PDE1C: variants seen among roughly 807,000 people sequenced by gnomAD.
PDE1C encodes phosphodiesterase 1C, also known as dual specificity calcium/calmodulin-dependent 3',5'-cyclic nucleotide phosphodiesterase 1C.
PDE1C carries 62 observed loss-of-function variants against 93.1 expected under a neutral mutation model. The observed-to-expected ratio is 0.67, with a 90% CI of 0.54 to 0.82. PDE1C has a LOEUF of 0.82. Ranked by LOEUF, PDE1C falls within the 40% of genes least tolerant of loss-of-function variation. The probability of loss-of-function intolerance (pLI) is 0.00; values close to 1 mark genes in which losing one functional copy is unlikely to be tolerated. For missense variants in PDE1C, 742 were observed against 884.6 expected (o/e 0.84, Z 2.04); for synonymous variants, 325 against 310.1 (o/e 1.05, Z -0.50).
intron 1 of PDE1C, among the ~76,000 whole-genome samples, chr7:32,304,336 C>T (rs1196384108): frequency 6.6e-6 from 1 of 152,092 alleles, no homozygotes; most frequent in African/African-American, 2.4e-5. Flanking sequence ...CATCCTCGGC[C>T]CTGGCACAGA....
chr7:32,215,328 C>T (rs1806352237), intron 1 of PDE1C, among the ~76,000 whole-genome samples: 1 of 152,126 alleles, frequency 6.6e-6, no homozygotes, highest in Non-Finnish European at 1.5e-5. Context: ...CCATTCCCCC[C>T]AACACCCGTT....
At chr7:31,804,298 A>C (rs573954082) in intron 16 of PDE1C, among the ~76,000 whole-genome samples, 63 of 151,918 alleles carry the variant, frequency 4.1e-4, no homozygotes, top group African/African-American at 1.5e-3. Flanking sequence ...CTTTTACCTA[A>C]TTTTCTTTAA....
chr7:32,187,426 T>C (rs1466421003), intron 2 of PDE1C, among the ~76,000 whole-genome samples: 11 of 152,226 alleles, frequency 7.2e-5, no homozygotes, highest in Admixed American at 6.5e-4. Flanking sequence ...TTCCCATCTC[T>C]TTCTTTCCCT....
chr7:31,704,574 C>T, the PDE1C span, among the ~76,000 whole-genome samples: 2 of 152,150 alleles, frequency 1.3e-5, no homozygotes, highest in Non-Finnish European at 2.9e-5. Flanking sequence ...GGTTCAATAG[C>T]GGAGAAGGAT....
At chr7:31,962,091 T>C (rs1309560198) in intron 2 of PDE1C, among the ~76,000 whole-genome samples, 1 of 152,206 alleles carries the variant, frequency 6.6e-6, no homozygotes, top group Non-Finnish European at 1.5e-5. Flanking sequence ...AACTCTGGCT[T>C]CTAAATATTC....
At chr7:32,140,126 G>T (rs543896991) in intron 3 of PDE1C, among the ~76,000 whole-genome samples, 15 of 152,276 alleles carry the variant, frequency 9.9e-5, no homozygotes, top group South Asian at 2.1e-4. Flanking sequence ...TGATGCAGTT[G>T]CCATCTATTA....
In PDE1C at chr7:32,244,647, T is replaced by G. The variant is rs897759005; in HGVS notation, c.86-35108A>C. ...GAAGGAAGAACACCCTGTCAGATAA[T>G]GCTGAAAAAGCCTCCACACATCTTC... On this transcript the variant is annotated intron_variant, in intron 1 of 18. Transcript: ENST00000396193. Among the ~76,000 whole-genome samples the G allele has an allele frequency of 4.6e-5, 7 of 152,304 alleles. No homozygotes were observed. In the East Asian group the frequency reaches 1.4e-3, roughly 29 times the overall value.
intron 2 of PDE1C, among the ~76,000 whole-genome samples, chr7:32,027,378 A>G (rs1199238072): frequency 6.6e-6 from 1 of 152,106 alleles, no homozygotes; most frequent in Non-Finnish European, 1.5e-5. Flanking sequence ...GAGACTGACA[A>G]AAGTCAAATC....
chr7:32,099,930 C>T (rs971432856), intron 3 of PDE1C, among the ~76,000 whole-genome samples: 1 of 152,120 alleles, frequency 6.6e-6, no homozygotes, highest in African/African-American at 2.4e-5. Flanking sequence ...TTCCCATGCC[C>T]CCACCCCTCA....
At chr7:32,060,727 C>T (rs1311236114) in intron 1 of PDE1C, among the ~76,000 whole-genome samples, 1 of 150,508 alleles carries the variant, frequency 6.6e-6, no homozygotes, top group East Asian at 1.9e-4. Flanking sequence ...TTTTTTTTAA[C>T]AATGACTAAT....
chr7:32,230,597 T>C (rs1480795889), intron 1 of PDE1C, among the ~76,000 whole-genome samples: 2 of 152,146 alleles, frequency 1.3e-5, no homozygotes, highest in Non-Finnish European at 2.9e-5. Context: ...AACTGATCCT[T>C]CTTGGCTCAG....
At chr7:32,121,727 G>A (rs1584802078) in intron 3 of PDE1C, among the ~76,000 whole-genome samples, 1 of 152,106 alleles carries the variant, frequency 6.6e-6, no homozygotes, top group South Asian at 2.1e-4. Flanking sequence ...GGAAGCACTA[G>A]ATATGGCAAG....
intron 1 of PDE1C, among the ~76,000 whole-genome samples, chr7:32,211,462 A>G (rs1408805329): frequency 6.6e-6 from 1 of 152,174 alleles, no homozygotes; most frequent in African/African-American, 2.4e-5. Context: ...GTCTTTAACC[A>G]CAACTGCATA....
At chr7:32,206,249 C>T (rs886697168) in intron 2 of PDE1C, among the ~76,000 whole-genome samples, 4 of 152,022 alleles carry the variant, frequency 2.6e-5, no homozygotes, top group East Asian at 1.9e-4. Context: ...GATAATGGGA[C>T]GGCTCACTGA....
rs544279830 is a variant in PDE1C at position 31,936,950 on chromosome 7, G to A, written c.129-56090C>T. Among the ~76,000 whole-genome samples, 7 of 152,268 alleles carry A rather than the reference G, an allele frequency of 4.6e-5. No homozygotes were observed. In the East Asian group the frequency reaches 7.7e-4, roughly 17 times the overall value. On this transcript the variant is annotated intron_variant, in intron 2 of 17. Coordinates refer to ENST00000396191, the MANE Select transcript of PDE1C (RefSeq NM_001191057.4). Reference sequence around the variant, plus strand: ...ACAGAAGTTACAGGTAAAGACATACGTCAACACACGTAAGCTATCACTGGT... The same window carrying A: ...ACAGAAGTTACAGGTAAAGACATACATCAACACACGTAAGCTATCACTGGT...
intron 2 of PDE1C, among the ~76,000 whole-genome samples, chr7:32,046,386 C>G (rs568782398): frequency 6.6e-6 from 1 of 152,076 alleles, no homozygotes; most frequent in Non-Finnish European, 1.5e-5. Context: ...TATAATCTAG[C>G]GAGAGAAGAG....
At chr7:31,688,521 A>G in the PDE1C span, among the ~76,000 whole-genome samples, 7 of 152,240 alleles carry the variant, frequency 4.6e-5, no homozygotes, top group African/African-American at 7.2e-5. Context: ...TTTCTGCAAT[A>G]TAGTGGGGTC....
chr7:32,277,387 C>T (rs1811355736), intron 1 of PDE1C, among the ~76,000 whole-genome samples: 1 of 152,152 alleles, frequency 6.6e-6, no homozygotes, highest in African/African-American at 2.4e-5. Flanking sequence ...TGCCAATGGG[C>T]ATTTAGAAAT....
intron 3 of PDE1C, among the ~76,000 whole-genome samples, chr7:32,141,331 A>G (rs1251253830): frequency 6.6e-6 from 1 of 152,254 alleles, no homozygotes; most frequent in Non-Finnish European, 1.5e-5. Context: ...CAACATAGCA[A>G]GATCCCCATT....
Sources: allele counts gnomAD v4.1 joint callset (sites outside exome capture counted in the v4.1 genomes callset), GRCh38; gene constraint gnomAD v4.1.1; transcripts MANE v1.5; gene names NCBI Gene and HGNC (gene_info 2026-07-23, HGNC 2026-07-21).